ATE1: variants seen among roughly 807,000 people sequenced by gnomAD.
The protein encoded by ATE1 is arginyl-tRNA--protein transferase 1.
ATE1 carries 36 observed loss-of-function variants against 70.5 expected under a neutral mutation model. The observed-to-expected ratio is 0.51, with a 90% CI of 0.39 to 0.67. ATE1 has a LOEUF of 0.67. Among genes scored for constraint, ATE1 ranks in the 30% least tolerant of loss-of-function variants. The pLI is 0.00. For synonymous variants in ATE1, 232 were observed against 219.3 expected (o/e 1.06, Z -0.51); for missense variants, 593 against 629.5 (o/e 0.94, Z 0.62).
chr10:121,781,665 ACT>A (rs1274575397), intron 11 of ATE1, among the ~76,000 whole-genome samples: 21 of 152,332 alleles, frequency 1.4e-4, no homozygotes, highest in Non-Finnish European at 2.5e-4. Context: ...TTGGAGAGAA[ACT>A]AAGCTAAGAC....
intron 11 of ATE1, among the ~76,000 whole-genome samples, chr10:121,748,722 T>C (rs967881597): frequency 6.6e-6 from 1 of 152,110 alleles, no homozygotes; most frequent in Non-Finnish European, 1.5e-5. Context: ...AAATCCATAA[T>C]AAAGTATCTT....
In ATE1 at chr10:121,905,225, C is replaced by T. The variant is rs1435079623; in HGVS notation, c.584-2605G>A. 2.0e-5 allele frequency among the ~76,000 whole-genome samples: 3 copies of T among 152,094 alleles called. No individual in the cohort carries two copies. In the East Asian group the frequency reaches 5.8e-4, roughly 29 times the overall value. ...TGTGCAGCTCATAAAAAATTAACTG[C>T]CATTCAATTAGGGTTAACTATTATT... On this transcript the variant is annotated intron_variant, in intron 5 of 11. Transcript: ENST00000224652.
At chr10:121,775,177 ACTAT>A (rs1266464520) in intron 11 of ATE1, among the ~76,000 whole-genome samples, 2 of 152,228 alleles carry the variant, frequency 1.3e-5, no homozygotes, top group African/African-American at 2.4e-5. Context: ...TTTTCAGTTA[ACTAT>A]CTAGTTGAGG....
chr10:121,761,641 G>T (rs1314891499), intron 11 of ATE1, among the ~76,000 whole-genome samples: 1 of 151,996 alleles, frequency 6.6e-6, no homozygotes, highest in African/African-American at 2.4e-5. Context: ...CCAATTTTCT[G>T]GGAAATTTAG....
chr10:121,786,479 C>A (rs373810869), intron 11 of ATE1, among the ~76,000 whole-genome samples: 1 of 151,870 alleles, frequency 6.6e-6, no homozygotes, highest in Admixed American at 6.6e-5. Flanking sequence ...GACAAGCCTA[C>A]GCAACGTAGC....
At chr10:121,871,309 A>G (rs966324090) in intron 7 of ATE1, among the ~76,000 whole-genome samples, 1 of 152,124 alleles carries the variant, frequency 6.6e-6, no homozygotes, top group Admixed American at 6.5e-5. Context: ...AAATACAAAA[A>G]TTAGCTGTGT....
chr10:121,749,293 A>T lies in ATE1; in HGVS notation c.1379-5435T>A, dbSNP rs140149541. Reference sequence around the variant, plus strand: ...ACTTAATTTGCACATTCTGTCAGGAACAATTTATTCAACCAAGAAGGTATA... The same window carrying T: ...ACTTAATTTGCACATTCTGTCAGGATCAATTTATTCAACCAAGAAGGTATA... On this transcript the variant is annotated intron_variant, in intron 11 of 11. Coordinates refer to ENST00000224652, the MANE Select transcript of ATE1 (RefSeq NM_001001976.3). Among the ~76,000 whole-genome samples the T allele has an allele frequency of 3.3e-5, 5 of 152,356 alleles. No individual in the cohort carries two copies. In the East Asian group the frequency reaches 9.7e-4, roughly 29 times the overall value.
At chr10:121,924,783 A>C (rs1952022411) in intron 1 of ATE1, among the ~76,000 whole-genome samples, 1 of 152,144 alleles carries the variant, frequency 6.6e-6, no homozygotes, top group Admixed American at 6.6e-5. Context: ...TACATACTTC[A>C]CAGCTGTTAG....
intron 7 of ATE1, among the ~76,000 whole-genome samples, chr10:121,895,142 AATGATT>A (rs1373862496): frequency 6.6e-6 from 1 of 152,166 alleles, no homozygotes; most frequent in Non-Finnish European, 1.5e-5. Context: ...GGGAATGGTA[AATGATT>A]TCACTCTCTG....
At chr10:121,924,424 G>A in intron 1 of ATE1, 95 bp from the exon 2 acceptor site, 1 of 1,187,174 alleles carries the variant, frequency 8.4e-7, no homozygotes, top group Non-Finnish European at 1.2e-6. Context: ...TGTGTGTCCG[G>A]GCACGGTGGC....
intron 8 of ATE1, among the ~76,000 whole-genome samples, chr10:121,858,868 G>C (rs927202764): frequency 2.6e-5 from 4 of 151,870 alleles, no homozygotes; most frequent in African/African-American, 9.7e-5. Context: ...TGCCGAGGCG[G>C]GCAGATCATC....
intron 5 of ATE1, among the ~76,000 whole-genome samples, chr10:121,903,068 G>GGCCAGACTGGTCTCAAACTCCC (rs1951046652): frequency 6.9e-5 from 9 of 130,870 alleles, no homozygotes; most frequent in Non-Finnish European, 1.4e-4. Context: ...GTTTCACCAT[G>GGCCAGACTGGTCTCAAACTCCC]TTGGCCAGAC....
intron 11 of ATE1, among the ~76,000 whole-genome samples, chr10:121,788,743 G>C (rs1215531229): frequency 6.6e-6 from 1 of 152,138 alleles, no homozygotes; most frequent in East Asian, 1.9e-4. Context: ...TAAGAAATAT[G>C]GATCAGGCAT....
intron 5 of ATE1, 102 bp downstream of exon 5, chr10:121,910,804 C>T (rs374097783): frequency 1.3e-5 from 19 of 1,501,552 alleles, no homozygotes; most frequent in African/African-American, 2.8e-5. Flanking sequence ...ACAGACTGCA[C>T]GACTAAGTCA....
intron 10 of ATE1, among the ~76,000 whole-genome samples, chr10:121,815,575 T>A (rs1460892145): frequency 6.6e-6 from 1 of 152,218 alleles, no homozygotes; most frequent in East Asian, 1.9e-4. Flanking sequence ...AAAGAAAATT[T>A]AAGGTGGTCC....
chr10:121,902,229 T>TA (rs1405218289), intron 6 of ATE1, among the ~76,000 whole-genome samples, 162 bp downstream of exon 6: 1 of 152,206 alleles, frequency 6.6e-6, no homozygotes, highest in Non-Finnish European at 1.5e-5. Context: ...GTTAACTTAG[T>TA]AAATACAAAT....
upstream of ATE1, chr10:121,928,401 T>C: frequency 1.3e-6 from 2 of 1,530,164 alleles, no homozygotes; most frequent in South Asian, 1.2e-5. Flanking sequence ...TAGCCGGCCC[T>C]GAGGCCCTTG....
At chr10:121,772,655 A>G (rs999043650) in intron 11 of ATE1, among the ~76,000 whole-genome samples, 7 of 152,192 alleles carry the variant, frequency 4.6e-5, no homozygotes, top group African/African-American at 9.7e-5. Context: ...CCCAAGCTCC[A>G]TATCTTTCAG....
At chr10:121,750,813 A>C (rs1046684502) in intron 11 of ATE1, among the ~76,000 whole-genome samples, 1 of 152,252 alleles carries the variant, frequency 6.6e-6, no homozygotes. Flanking sequence ...ATGGCTGGAG[A>C]TAGCTGGACA....
Sources: allele counts gnomAD v4.1 joint callset (sites outside exome capture counted in the v4.1 genomes callset), GRCh38; gene constraint gnomAD v4.1.1; transcripts MANE v1.5; gene names NCBI Gene and HGNC (gene_info 2026-07-23, HGNC 2026-07-21).